Variants in USP47 observed in about 807,000 individuals in gnomAD.
The protein encoded by USP47 is ubiquitin carboxyl-terminal hydrolase 47.
A neutral mutation model predicts 165.1 loss-of-function variants in USP47; 35 were observed. That is an observed-to-expected ratio of 0.21 (90% CI 0.16 to 0.28). The LOEUF (loss-of-function observed/expected upper bound fraction) is 0.28. USP47 is among the 10% of genes least tolerant of loss of function. The pLI is 1.00. For missense variants in USP47, 1,277 were observed against 1,607.4 expected (o/e 0.79, Z 3.52); for synonymous variants, 531 against 544.5 (o/e 0.98, Z 0.35).
chr11:11,873,681 TTTAA>T (rs545691615), intron 1 of USP47: 540 of 466,536 alleles, frequency 1.2e-3, no homozygotes, highest in African/African-American at 1.8e-3. Context: ...GTACTAATAC[TTTAA>T]TTAATACATA....
chr11:11,907,350 G>A (rs1233466195), intron 8 of USP47, among the ~76,000 whole-genome samples: 1 of 152,188 alleles, frequency 6.6e-6, no homozygotes, highest in African/African-American at 2.4e-5. Context: ...TGCGCTAATA[G>A]GGCTTGCGGA....
chr11:11,880,063 ATACT>A (rs780382971), intron 1 of USP47, 110 bp from the exon 2 acceptor site: 2 of 698,372 alleles, frequency 2.9e-6, no homozygotes, highest in Non-Finnish European at 4.3e-6. Flanking sequence ...CACAGAGAAA[ATACT>A]TAGTATTTCC....
intron 11 of USP47, among the ~76,000 whole-genome samples, chr11:11,923,837 T>C (rs533778313): frequency 1.2e-4 from 18 of 152,364 alleles, no homozygotes; most frequent in African/African-American, 4.1e-4. Flanking sequence ...TAATGAATAA[T>C]GTAATAAGTA....
chr11:11,918,053 G>A (rs919508385), intron 8 of USP47, among the ~76,000 whole-genome samples: 3 of 152,020 alleles, frequency 2.0e-5, no homozygotes, highest in Admixed American at 1.3e-4. Flanking sequence ...ATAACTATAT[G>A]GTAGAGAGAC....
In USP47 at chr11:11,861,193, C is replaced by A. The variant is rs149071869; in HGVS notation, c.39+18969C>A. Reference sequence around the variant, plus strand: ...CACTGCAGCCTCTGCCTCCCAGATTCAAGCGATTCTCCTGCCCCAGCCTCC... The same window carrying A: ...CACTGCAGCCTCTGCCTCCCAGATTAAAGCGATTCTCCTGCCCCAGCCTCC... On this transcript the variant is annotated intron_variant, in intron 1 of 27. Coordinates refer to ENST00000527733, the MANE Select transcript of USP47 (RefSeq NM_001282659.2). Among the ~76,000 whole-genome samples, 751 of 152,278 alleles carry A rather than the reference C, an allele frequency of 4.9e-3. 6 individuals carry two copies. Among genetic ancestry groups the A allele is most frequent in the African/African-American group, 0.017 (715 of 41,544 alleles).
intron 11 of USP47, among the ~76,000 whole-genome samples, chr11:11,927,794 C>T (rs1254588042): frequency 6.6e-6 from 1 of 151,950 alleles, no homozygotes; most frequent in East Asian, 1.9e-4. Flanking sequence ...TGTTAGGACA[C>T]GTTTTTATGT....
chr11:11,924,507 T>G (rs1255846832), intron 11 of USP47, among the ~76,000 whole-genome samples: 1 of 152,196 alleles, frequency 6.6e-6, no homozygotes, highest in African/African-American at 2.4e-5. Context: ...CTGCCTTTAT[T>G]TTTGGAAGAG....
chr11:11,875,033 T>TTGTATGTG (rs1491193505), intron 1 of USP47, among the ~76,000 whole-genome samples: 1,039 of 95,402 alleles, frequency 0.011, 17 homozygotes, highest in African/African-American at 0.02. Flanking sequence ...AATTGACTTA[T>TTGTATGTG]TGTGTGTGTG....
intron 1 of USP47, chr11:11,873,663 T>C (rs149337796): frequency 1.5e-5 from 6 of 396,016 alleles, no homozygotes; most frequent in Non-Finnish European, 2.6e-5. Flanking sequence ...AATAAAATTC[T>C]AGATGATGTA....
chr11:11,947,888 T>C, intron 20 of USP47, 57 bp from the exon 21 acceptor site: 1 of 1,526,934 alleles, frequency 6.5e-7, no homozygotes, highest in Non-Finnish European at 8.8e-7. Context: ...GTTTTATTTA[T>C]ACTCAGAGGT....
At chr11:11,877,997 T>C (rs1489215950) in intron 1 of USP47, among the ~76,000 whole-genome samples, 4 of 152,124 alleles carry the variant, frequency 2.6e-5, no homozygotes, top group Non-Finnish European at 5.9e-5. Context: ...TATTTATATG[T>C]ACGGAAAAGA....
rs1408882457 is a variant in USP47, at chr11:11,960,475, C to T, written c.*4300C>T. On this transcript the variant is annotated 3_prime_UTR_variant, in exon 28 of 28. Transcript: ENST00000527733. Reference sequence around the variant, plus strand: ...AGACACTTCTCTGCAGTGAATACCACTATCCCATGCTGCACTAGTCCCTAC... The same window carrying T: ...AGACACTTCTCTGCAGTGAATACCATTATCCCATGCTGCACTAGTCCCTAC... Among the ~76,000 whole-genome samples the T allele has an allele frequency of 1.3e-5, 2 of 152,236 alleles. No homozygotes were observed. The highest frequency in any genetic ancestry group is 4.8e-5 in the African/African-American group (2 of 41,468).
At position 11,940,489 on chromosome 11, in the gene USP47, C is replaced by T. The variant is rs754155092; in HGVS notation, c.2254C>T (p.Arg752Cys). ...IVLERCYNDLRLLSVSSKTLK... is the reference protein window; with the variant it reads ...IVLERCYNDLCLLSVSSKTLK... ...GCTGGAACGCTGCTACAATGATTTG[C>T]GTCTTCTCAGTGTCTCCAGTAAAAC... Residue 752 changes from arginine to cysteine, a missense_variant, in exon 19 of 28, where the codon CGT becomes TGT. Transcript: ENST00000527733. The T allele has an allele frequency of 3.7e-6, 6 of 1,611,570 alleles. No homozygotes were observed. In the South Asian group the frequency reaches 4.4e-5, roughly 12 times the overall value.
rs757405110 is a variant in USP47, at chr11:11,915,561, G to A, written c.970-4595G>A. On this transcript the variant is annotated intron_variant, in intron 8 of 27. Coordinates refer to ENST00000527733, the MANE Select transcript of USP47 (RefSeq NM_001282659.2). ...GTATGAATGCCAATATCATGGTTATGATATGCCATAGTTTTGCAAAATGTT... is the reference window on the plus strand; with the variant it reads ...GTATGAATGCCAATATCATGGTTATAATATGCCATAGTTTTGCAAAATGTT... 5.3e-5 allele frequency among the ~76,000 whole-genome samples: 8 copies of A among 152,152 alleles called. No individual in the cohort carries two copies. The South Asian group carries it at 6.2e-4, about 12-fold the overall frequency.
chr11:11,936,066 A>G (rs561033173), intron 16 of USP47, among the ~76,000 whole-genome samples: 2 of 151,814 alleles, frequency 1.3e-5, no homozygotes, highest in Non-Finnish European at 2.9e-5. Flanking sequence ...TAAAAAATGT[A>G]TTTAGTACAT....
intron 1 of USP47, among the ~76,000 whole-genome samples, chr11:11,855,058 G>A (rs1027246004): frequency 6.6e-6 from 1 of 151,142 alleles, no homozygotes; most frequent in African/African-American, 2.4e-5. Flanking sequence ...TTGCATCACT[G>A]CACTCCAGCC....
At position 11,929,450 on chromosome 11, in the gene USP47, A is replaced by G; in HGVS notation, c.1403A>G (p.Glu468Gly). Residue 468 changes from glutamate (E) to glycine (G), a missense_variant, in exon 12 of 28, where the codon GAA (glutamate) becomes GGA (glycine). Transcript: ENST00000527733. Reference protein sequence around the residue: ...SGLEKNSLIYELFSVMVHSGS... With the variant: ...SGLEKNSLIYGLFSVMVHSGS... ...TCCCCTTAGAATTCCTTGATCTATG[A>G]ACTTTTCTCTGTTATGGTTCATTCT... 2 of 1,612,786 alleles carry G rather than the reference A, an allele frequency of 1.2e-6. No individual in the cohort carries two copies. Among genetic ancestry groups the G allele is most frequent in the Non-Finnish European group, 1.7e-6 (2 of 1,179,214 alleles).
intron 2 of USP47, among the ~76,000 whole-genome samples, chr11:11,881,369 C>CT (rs1175121387): frequency 6.6e-6 from 1 of 152,082 alleles, no homozygotes; most frequent in Admixed American, 6.6e-5. Flanking sequence ...CTGCTGTCTG[C>CT]TACGTAGTCC....
intron 14 of USP47, among the ~76,000 whole-genome samples, chr11:11,931,326 A>G (rs957530476): frequency 1.3e-5 from 2 of 152,180 alleles, no homozygotes; most frequent in Admixed American, 1.3e-4. Context: ...AATTGGTACA[A>G]GGCTTAGGAC....
Sources: allele counts gnomAD v4.1 joint callset (sites outside exome capture counted in the v4.1 genomes callset), GRCh38; gene constraint gnomAD v4.1.1; transcripts MANE v1.5; gene names NCBI Gene and HGNC (gene_info 2026-07-23, HGNC 2026-07-21).